Variants in DTD1 observed in about 807,000 individuals in gnomAD.
DTD1 encodes D-tyrosyl-tRNA deacylase 1 homolog.
DTD1 carries 13 observed loss-of-function variants against 25.6 expected under a neutral mutation model. The ratio of observed to expected loss-of-function variants is 0.51; its 90% CI spans 0.33 to 0.81. The LOEUF (loss-of-function observed/expected upper bound fraction) is 0.81. DTD1 is among the 30% of genes least tolerant of loss of function. DTD1 has a pLI of 0.02. For missense variants in DTD1, 193 were observed against 266.4 expected, an observed-to-expected ratio of 0.72 and a Z score of 1.92; for synonymous variants, 110 against 103.6, an observed-to-expected ratio of 1.06 and a Z score of -0.37.
chr20:18,632,997 C>T (rs574579479), intron 4 of DTD1, among the ~76,000 whole-genome samples: 8 of 152,156 alleles, frequency 5.3e-5, no homozygotes, highest in Non-Finnish European at 1.0e-4. Flanking sequence ...CCTGTGCAGC[C>T]GGGGATAGAT....
chr20:18,684,826 A>G (rs1358766751), intron 4 of DTD1, among the ~76,000 whole-genome samples: 1 of 152,172 alleles, frequency 6.6e-6, no homozygotes, highest in Admixed American at 6.5e-5. Context: ...TGTTGGAGCT[A>G]AAGTCGGAAG....
At chr20:18,746,238 C>A (rs2061299661) in intron 5 of DTD1, among the ~76,000 whole-genome samples, 1 of 152,124 alleles carries the variant, frequency 6.6e-6, no homozygotes, top group African/African-American at 2.4e-5. Context: ...AGCTCACAGA[C>A]TGTGGTTAAA....
chr20:18,605,902 G>A (rs1219884380), intron 3 of DTD1, among the ~76,000 whole-genome samples: 1 of 150,286 alleles, frequency 6.7e-6, no homozygotes, highest in African/African-American at 2.5e-5. Flanking sequence ...AAAAGCAATG[G>A]CAACAAAAGA....
intron 4 of DTD1, among the ~76,000 whole-genome samples, chr20:18,729,091 C>T (rs150953803): frequency 1.6e-4 from 25 of 152,264 alleles, no homozygotes; most frequent in South Asian, 4.1e-4. Flanking sequence ...GCAGCCTTGA[C>T]CTCCTGGACT....
In DTD1 at chr20:18,720,217, A is replaced by G. The variant is rs116914638; in HGVS notation, c.478-23883A>G. Among the ~76,000 whole-genome samples the G allele has an allele frequency of 1.6e-3, 247 of 152,356 alleles. 9 individuals carry two copies. The South Asian group carries it at 0.048, about 30-fold the overall frequency. ...TTTTCAAGACTCTAGTGTAACTTTG[A>G]AAAAGTGTATCACTTAGTAGGGAGG... On this transcript the variant is annotated intron_variant, in intron 4 of 5. Coordinates refer to ENST00000377452, the MANE Select transcript of DTD1 (RefSeq NM_080820.6).
At chr20:18,756,878 A>T (rs6112091) in intron 5 of DTD1, among the ~76,000 whole-genome samples, 20,554 of 149,534 alleles carry the variant, frequency 0.14, 1,519 homozygotes, top group Admixed American at 0.19. Context: ...CCATTTTCAC[A>T]ATATTGATTC....
intron 3 of DTD1, among the ~76,000 whole-genome samples, chr20:18,600,686 T>C (rs1222423421): frequency 6.6e-6 from 1 of 152,164 alleles, no homozygotes; most frequent in Non-Finnish European, 1.5e-5. Flanking sequence ...GTAGATGAAG[T>C]TGGGAAGAAC....
At chr20:18,646,687 T>G (rs1426366740) in intron 4 of DTD1, among the ~76,000 whole-genome samples, 1 of 152,178 alleles carries the variant, frequency 6.6e-6, no homozygotes, top group Non-Finnish European at 1.5e-5. Context: ...GGTGACTCTG[T>G]GGTGTTGACA....
intron 4 of DTD1, among the ~76,000 whole-genome samples, chr20:18,666,947 G>C (rs1166612236): frequency 6.6e-6 from 1 of 152,124 alleles, no homozygotes; most frequent in Non-Finnish European, 1.5e-5. Flanking sequence ...TTGTGGGAGG[G>C]GCAGGGAAGA....
intron 5 of DTD1, among the ~76,000 whole-genome samples, chr20:18,751,112 T>C (rs936144946): frequency 3.3e-5 from 5 of 151,372 alleles, no homozygotes; most frequent in Admixed American, 2.0e-4. Flanking sequence ...TGAAAAGGTA[T>C]TCAGTCCCTT....
intron 3 of DTD1, among the ~76,000 whole-genome samples, chr20:18,596,802 G>T (rs2060613842): frequency 1.3e-5 from 2 of 150,712 alleles, no homozygotes; most frequent in African/African-American, 2.4e-5. Context: ...TTGAGAGGAT[G>T]GTACAGAGAT....
intron 3 of DTD1, among the ~76,000 whole-genome samples, chr20:18,612,025 A>ATT (rs2060688591): frequency 8.6e-6 from 1 of 116,054 alleles, no homozygotes; most frequent in African/African-American, 3.2e-5. Context: ...CGGCTAATTA[A>ATT]TTTTTGTGTT....
intron 4 of DTD1, among the ~76,000 whole-genome samples, chr20:18,710,945 A>G (rs568566473): frequency 1.1e-4 from 16 of 152,288 alleles, no homozygotes; most frequent in African/African-American, 3.6e-4. Flanking sequence ...CTTGATGGGT[A>G]CTGGATACTC....
chr20:18,612,104 G>A (rs1306009562), intron 3 of DTD1, among the ~76,000 whole-genome samples: 5 of 141,724 alleles, frequency 3.5e-5, no homozygotes, highest in African/African-American at 8.0e-5. Flanking sequence ...GCGGGATCTC[G>A]GCTCACTGCA....
intron 4 of DTD1, among the ~76,000 whole-genome samples, chr20:18,659,702 A>G (rs1007270129): frequency 3.9e-5 from 6 of 152,150 alleles, no homozygotes; most frequent in African/African-American, 7.2e-5. Flanking sequence ...GAGTTGAACA[A>G]TGAGAACACA....
chr20:18,753,955 T>C (rs939122724), intron 5 of DTD1, among the ~76,000 whole-genome samples: 10 of 152,160 alleles, frequency 6.6e-5, no homozygotes, highest in Non-Finnish European at 1.3e-4. Flanking sequence ...CCTGCATTGA[T>C]AACTTCCCAG....
chr20:18,603,597 A>T (rs1193268137), intron 3 of DTD1, among the ~76,000 whole-genome samples: 2 of 100,134 alleles, frequency 2.0e-5, no homozygotes, highest in African/African-American at 7.4e-5. Flanking sequence ...GTGCAATCAA[A>T]CTAGAACTCA....
chr20:18,594,477 A>G (rs2060602188), intron 2 of DTD1, among the ~76,000 whole-genome samples: 1 of 152,134 alleles, frequency 6.6e-6, no homozygotes, highest in Non-Finnish European at 1.5e-5. Flanking sequence ...CTGCTTAATG[A>G]TTGTTCACTT....
chr20:18,669,175 A>G (rs1358861224), intron 4 of DTD1, among the ~76,000 whole-genome samples: 1 of 152,106 alleles, frequency 6.6e-6, no homozygotes, highest in Non-Finnish European at 1.5e-5. Flanking sequence ...TAGTGAGGTG[A>G]GTAGGAGTGT....
Sources: gnomAD v4.1 joint callset for allele counts (sites outside exome capture counted in the v4.1 genomes callset) on GRCh38, gnomAD v4.1.1 for gene constraint, MANE v1.5 for transcripts, NCBI Gene and HGNC (gene_info 2026-07-23, HGNC 2026-07-21) for gene names.